The following RCC1 variants were observed in gnomAD, a reference collection of about 807,000 sequenced individuals.
The protein encoded by RCC1 is regulator of chromosome condensation 1.
A neutral mutation model predicts 44.4 loss-of-function variants in RCC1; 11 were observed. The observed-to-expected ratio is 0.25, with a 90% CI of 0.16 to 0.41. The LOEUF is 0.41. Ranked by LOEUF, RCC1 falls within the 10% of genes least tolerant of loss-of-function variation. The pLI is 1.00. For synonymous variants in RCC1, 213 were observed against 216.5 expected, an observed-to-expected ratio of 0.98 and a Z score of 0.14; for missense variants, 386 against 547.1, an observed-to-expected ratio of 0.71 and a Z score of 2.94.
chr1:28,510,907 ATG>A (rs1165433910), intron 3 of RCC1: 1 of 152,176 alleles, frequency 6.6e-6, no homozygotes, highest in East Asian at 1.9e-4. Flanking sequence ...TGGTTTTAGT[ATG>A]TTTTCAATCC....
chr1:28,523,105 C>G (rs187174144), intron 4 of RCC1, among the ~76,000 whole-genome samples: 1 of 143,780 alleles, frequency 7.0e-6, no homozygotes, highest in East Asian at 2.0e-4. Flanking sequence ...GATCTCGACT[C>G]ACTGCAAGCT....
chr1:28,529,672 A>G (rs1008695690), intron 4 of RCC1, among the ~76,000 whole-genome samples, 186 bp from the exon 5 acceptor site: 1 of 151,264 alleles, frequency 6.6e-6, no homozygotes, highest in Non-Finnish European at 1.5e-5. Context: ...TGAAGGATAC[A>G]GTAGAGAATA....
chr1:28,527,901 C>T (rs542172761), intron 4 of RCC1, among the ~76,000 whole-genome samples: 20 of 151,706 alleles, frequency 1.3e-4, no homozygotes, highest in Non-Finnish European at 2.6e-4. Flanking sequence ...CCTAGCTACT[C>T]CAGAGGCTGA....
Position 28,508,267 on chromosome 1 carries a change from T to C in RCC1, c.-229+107T>C, listed in dbSNP as rs1662190120. 6 of 365,558 alleles carry C rather than the reference T, an allele frequency of 1.6e-5. No homozygotes were observed. In the Admixed American group the frequency reaches 2.1e-4, roughly 13 times the overall value. 22.6% of individuals were successfully genotyped at this position (365,558 alleles called of 1,614,324 possible). On this transcript the variant is annotated intron_variant, in intron 2 of 12. Transcript: ENST00000683442. Reference sequence around the variant, plus strand: ...TTATTCTAGTTGGTCAGGATTTACCTCTGAGGCATTTAATCATTCTCAGAG... The same window carrying C: ...TTATTCTAGTTGGTCAGGATTTACCCCTGAGGCATTTAATCATTCTCAGAG...
At chr1:28,521,559 A>G (rs887436755) in intron 4 of RCC1, among the ~76,000 whole-genome samples, 13 of 151,150 alleles carry the variant, frequency 8.6e-5, no homozygotes, top group African/African-American at 2.9e-4. Flanking sequence ...TTCCCTGGCG[A>G]TTGCCAGCCC....
At chr1:28,520,380 C>T (rs1663192822) in intron 4 of RCC1, among the ~76,000 whole-genome samples, 1 of 152,180 alleles carries the variant, frequency 6.6e-6, no homozygotes, top group South Asian at 2.1e-4. Flanking sequence ...GCACCAGGCT[C>T]CGGGCAGACT....
rs1662918501 is a variant in RCC1, at chr1:28,516,743, T to A, written c.-134T>A. The A allele has an allele frequency of 2.3e-6, 1 of 437,052 alleles. No individual in the cohort carries two copies. The highest frequency in any genetic ancestry group is 4.5e-6 in the Non-Finnish European group (1 of 220,070). 27.1% of individuals were successfully genotyped at this position (437,052 alleles called of 1,614,324 possible). On this transcript the variant is annotated 5_prime_UTR_variant, in exon 4 of 13. Transcript: ENST00000683442. ...CATGAAGCTACATGAATGTGTAAGA[T>A]CTTGGAGGAAGACAGCAGAGAGAGA...
At chr1:28,519,156 T>A (rs533950768) in intron 4 of RCC1, among the ~76,000 whole-genome samples, 1 of 152,242 alleles carries the variant, frequency 6.6e-6, no homozygotes, top group East Asian at 1.9e-4. Context: ...TCAGGCAGTC[T>A]GAGGGTAGTG....
At position 28,538,013 on chromosome 1, in the gene RCC1, C is replaced by A; in HGVS notation, c.*6C>A. The A allele has an allele frequency of 6.2e-7, 1 of 1,610,882 alleles. No homozygotes were observed. The highest frequency in any genetic ancestry group is 8.5e-7 in the Non-Finnish European group (1 of 1,178,580). ...AGGACAAAGAACAGAGCTGATGAAGCCTCTGAGGGCCTGGCTTCTGTCCTG... is the reference window on the plus strand; with the variant it reads ...AGGACAAAGAACAGAGCTGATGAAGACTCTGAGGGCCTGGCTTCTGTCCTG... On this transcript the variant is annotated 3_prime_UTR_variant, in exon 13 of 13. Transcript: ENST00000683442.
intron 7 of RCC1, among the ~76,000 whole-genome samples, chr1:28,533,845 CTTTTTTTTTT>C (rs1168443435): frequency 4.3e-5 from 2 of 46,864 alleles, no homozygotes; most frequent in Non-Finnish European, 7.4e-5. Context: ...CTTTTCTTTT[CTTTTTTTTTT>C]TTTTTTTTTT....
intron 4 of RCC1, among the ~76,000 whole-genome samples, chr1:28,519,589 G>A (rs1357638126): frequency 6.6e-6 from 1 of 151,036 alleles, no homozygotes; most frequent in East Asian, 1.9e-4. Flanking sequence ...TTTTTGAGAC[G>A]GAGTTTCCAC....
chr1:28,522,409 CCT>C (rs1181565824), intron 4 of RCC1, among the ~76,000 whole-genome samples: 1 of 152,054 alleles, frequency 6.6e-6, no homozygotes, highest in Non-Finnish European at 1.5e-5. Flanking sequence ...ATGTTGGAGA[CCT>C]CTAATACCCA....
chr1:28,514,081 T>C (rs547750131), intron 3 of RCC1, among the ~76,000 whole-genome samples: 4 of 149,400 alleles, frequency 2.7e-5, no homozygotes, highest in African/African-American at 4.9e-5. Flanking sequence ...AGGCAGAAGA[T>C]TGCTTGAACC....
chr1:28,536,935 C>T lies in RCC1; in HGVS notation c.1090+36C>T. ...CTGCCTACACTCTGTCTAGTTGGGA[C>T]CTGGGGGTCATGGTTCTTACCCAAT... is the stretch of plus-strand genomic sequence containing the variant. On this transcript the variant is annotated intron_variant, in intron 12 of 12. Coordinates refer to ENST00000683442, the MANE Select transcript of RCC1 (RefSeq NM_001381865.2). The surrounding 1 kb of genome is among the most constrained non-coding windows in gnomAD (Gnocchi z 4.9). The T allele has an allele frequency of 6.2e-7, 1 of 1,610,570 alleles. No homozygotes were observed. Among genetic ancestry groups the T allele is most frequent in the Non-Finnish European group, 8.5e-7 (1 of 1,177,772 alleles).
At chr1:28,522,843 A>G (rs1379315817) in intron 4 of RCC1, among the ~76,000 whole-genome samples, 1 of 151,374 alleles carries the variant, frequency 6.6e-6, no homozygotes, top group Middle Eastern at 3.2e-3. Context: ...ATATGTATAT[A>G]TATACACACA....
In RCC1 at chr1:28,533,845, C is replaced by CTTTTTTTTTTTTTTTTTTTT. The variant is rs1168443435; in HGVS notation, c.442-1174_442-1155dup. Among the ~76,000 whole-genome samples, 17 of 46,876 alleles carry CTTTTTTTTTTTTTTTTTTTT rather than the reference C, an allele frequency of 3.6e-4. 6 individuals are homozygous for CTTTTTTTTTTTTTTTTTTTT. The highest frequency in any genetic ancestry group is 7.4e-4 in the Admixed American group (2 of 2,698). The allele number at this position is 46,876 out of a possible 152,430, so 30.8% of individuals were successfully genotyped here. A position where few individuals can be genotyped will look rare whatever the true frequency, so the allele number is the denominator to read the frequency against. ...ATATTTTTTTCTTTTCTTTTCTTTTCTTTTTTTTTTTTTTTTTTTTTTTTT... is the reference window on the plus strand; with the variant it reads ...ATATTTTTTTCTTTTCTTTTCTTTTCTTTTTTTTTTTTTTTTTTTTTTTTTTTTTTTTTTTTTTTTTTTTT... On this transcript the variant is annotated intron_variant, in intron 7 of 12. Transcript: ENST00000683442.
chr1:28,516,279 T>G (rs981609182), intron 3 of RCC1, among the ~76,000 whole-genome samples: 2 of 151,796 alleles, frequency 1.3e-5, no homozygotes, highest in African/African-American at 4.8e-5. Flanking sequence ...TTTGGGAGGA[T>G]GAGGTGGGTG....
chr1:28,509,034 C>T (rs370527146), intron 3 of RCC1, 129 bp downstream of exon 3: 14 of 380,662 alleles, frequency 3.7e-5, no homozygotes, highest in African/African-American at 1.9e-4. Flanking sequence ...AGTGCAGTGG[C>T]GCAATCTTGG....
At chr1:28,508,562 A>G (rs774906578) in intron 2 of RCC1, 10 of 518,286 alleles carry the variant, frequency 1.9e-5, no homozygotes, top group South Asian at 1.1e-4. Context: ...GAGCATTCCA[A>G]CGTGGATACC....
Sources: allele counts gnomAD v4.1 joint callset (sites outside exome capture counted in the v4.1 genomes callset), GRCh38; gene constraint gnomAD v4.1.1; non-coding constraint Gnocchi (gnomAD v3.1); transcripts MANE v1.5; gene names NCBI Gene and HGNC (gene_info 2026-07-23, HGNC 2026-07-21).